The following GOLGA8B variants were observed in gnomAD, a reference collection of about 807,000 sequenced individuals.
GOLGA8B encodes golgin subfamily A member 8B.
Under a neutral mutation model 15.6 loss-of-function variants are expected in GOLGA8B, and 1 was observed. The ratio of observed to expected loss-of-function variants is 0.06; its 90% CI spans 0.02 to 0.30. The LOEUF (loss-of-function observed/expected upper bound fraction) is 0.30, where lower values mean the gene tolerates loss of function less well. Ranked by LOEUF, GOLGA8B falls within the 10% of genes least tolerant of loss-of-function variation. The probability of loss-of-function intolerance (pLI) is 1.00; values close to 1 mark genes in which losing one functional copy is unlikely to be tolerated. For synonymous variants in GOLGA8B, 9 were observed against 80.3 expected (o/e 0.11, Z 4.75); for missense variants, 17 against 201.3 (o/e 0.08, Z 5.54).
intron 1 of GOLGA8B, among the ~76,000 whole-genome samples, chr15:34,569,652 T>C (rs937278075): frequency 9.9e-5 from 15 of 151,842 alleles, no homozygotes; most frequent in African/African-American, 3.6e-4. Flanking sequence ...TGTTAGCTGG[T>C]ATTGATAGCT....
chr15:34,551,007 CAT>C (rs1316720553), intron 4 of GOLGA8B, 129 bp downstream of exon 4: 1 of 86,756 alleles, frequency 1.2e-5, no homozygotes, highest in Non-Finnish European at 2.2e-5. Context: ...AACCAATAAA[CAT>C]GTGACTGAAT....
chr15:34,579,057 G>A, intron 1 of GOLGA8B, among the ~76,000 whole-genome samples: 1 of 151,950 alleles, frequency 6.6e-6, no homozygotes, highest in East Asian at 1.9e-4. Flanking sequence ...CATCTCGTCT[G>A]TGCCTCAAAA....
chr15:34,583,003 T>C (rs1231151481), intron 1 of GOLGA8B: 1 of 152,046 alleles, frequency 6.6e-6, no homozygotes, highest in Non-Finnish European at 1.5e-5. Context: ...CTGGGCCTTA[T>C]TATACAGGAA....
intron 1 of GOLGA8B, among the ~76,000 whole-genome samples, chr15:34,573,111 T>C (rs1472603547): frequency 1.3e-5 from 2 of 152,170 alleles, no homozygotes; most frequent in African/African-American, 4.8e-5. Flanking sequence ...AAACTACAGA[T>C]GGCAGATCTA....
chr15:34,581,220 C>A (rs1240682606), intron 1 of GOLGA8B, among the ~76,000 whole-genome samples: 2 of 152,182 alleles, frequency 1.3e-5, no homozygotes, highest in African/African-American at 2.4e-5. Flanking sequence ...CAGAGGACAG[C>A]GAGGAGTGCC....
At chr15:34,548,333 AT>A (rs1247228707) in intron 4 of GOLGA8B, among the ~76,000 whole-genome samples, 4 of 150,512 alleles carry the variant, frequency 2.7e-5, no homozygotes, top group African/African-American at 4.9e-5. Flanking sequence ...ACAAAAAGAT[AT>A]TTTTTTTTCA....
intron 1 of GOLGA8B, among the ~76,000 whole-genome samples, chr15:34,573,409 C>T (rs1160926965): frequency 2.0e-5 from 3 of 151,256 alleles, no homozygotes; most frequent in East Asian, 2.0e-4. Context: ...GGGTGGCGGG[C>T]GCCTGTAGTC....
intron 1 of GOLGA8B, among the ~76,000 whole-genome samples, chr15:34,578,915 C>T (rs565657823): frequency 3.9e-5 from 6 of 152,266 alleles, no homozygotes; most frequent in East Asian, 3.9e-4. Context: ...TTATGACAGG[C>T]CTCCTCTGCA....
At chr15:34,564,854 G>C (rs1389138665) in intron 1 of GOLGA8B, among the ~76,000 whole-genome samples, 1 of 144,106 alleles carries the variant, frequency 6.9e-6, no homozygotes, top group Non-Finnish European at 1.6e-5. Flanking sequence ...CATGGAGTCT[G>C]GACTCCACCC....
chr15:34,579,489 T>C (rs4923707), intron 1 of GOLGA8B, among the ~76,000 whole-genome samples: 2,549 of 152,168 alleles, frequency 0.017, 28 homozygotes, highest in Non-Finnish European at 0.025. Flanking sequence ...AGGGACCACC[T>C]GGGTGCAGAG....
chr15:34,560,124 A>T (rs1888588763), intron 1 of GOLGA8B, among the ~76,000 whole-genome samples: 1 of 150,374 alleles, frequency 6.7e-6, no homozygotes, highest in African/African-American at 2.5e-5. Context: ...AGGAACACAG[A>T]TCCTACAGGC....
At chr15:34,567,743 T>C (rs1368558150) in intron 1 of GOLGA8B, among the ~76,000 whole-genome samples, 3 of 151,722 alleles carry the variant, frequency 2.0e-5, no homozygotes, top group Non-Finnish European at 4.4e-5. Context: ...ACACCAAGAA[T>C]CCTAAAAGTT....
chr15:34,582,161 G>C (rs544424396), intron 1 of GOLGA8B, among the ~76,000 whole-genome samples: 17 of 152,242 alleles, frequency 1.1e-4, no homozygotes, highest in African/African-American at 3.9e-4. Context: ...CCCCGGACTG[G>C]GAAACCCAGT....
At chr15:34,576,653 A>G (rs1482529261) in intron 1 of GOLGA8B, among the ~76,000 whole-genome samples, 9 of 152,240 alleles carry the variant, frequency 5.9e-5, no homozygotes, top group Non-Finnish European at 1.0e-4. Context: ...ATTTCACCCA[A>G]TGCCATTCCC....
Position 34,567,972 on chromosome 15 carries a change from C to G in GOLGA8B, c.-1122-14016G>C, listed in dbSNP as rs561300928. Reference sequence around the variant, plus strand: ...TCCCAAACTGGAAGGAAGGATACGACTGAAACTCAACTCATGCCCAGCTAA... The same window carrying G: ...TCCCAAACTGGAAGGAAGGATACGAGTGAAACTCAACTCATGCCCAGCTAA... On this transcript the variant is annotated intron_variant, in intron 1 of 23. Coordinates refer to ENST00000683415, the MANE Select transcript of GOLGA8B (RefSeq NM_001023567.5). 1.7e-4 allele frequency among the ~76,000 whole-genome samples: 26 copies of G among 151,474 alleles called. 1 individual carries two copies. The highest frequency in any genetic ancestry group is 6.3e-4 in the African/African-American group (26 of 40,994).
intron 1 of GOLGA8B, chr15:34,582,935 G>C (rs1889283941): frequency 2.0e-5 from 3 of 152,228 alleles, no homozygotes; most frequent in Admixed American, 6.5e-5. Flanking sequence ...CCTCCAACCC[G>C]GCGCCTGCAG....
chr15:34,574,334 C>T (rs1407682128), intron 1 of GOLGA8B, among the ~76,000 whole-genome samples: 2 of 149,418 alleles, frequency 1.3e-5, no homozygotes, highest in African/African-American at 2.5e-5. Context: ...GAGAGAAGTT[C>T]TCGCTCTGTC....
intron 1 of GOLGA8B, among the ~76,000 whole-genome samples, chr15:34,579,376 T>C (rs1889168401): frequency 6.6e-6 from 1 of 152,016 alleles, no homozygotes; most frequent in South Asian, 2.1e-4. Context: ...TTTGGAAAGA[T>C]CCAGATGGAG....
intron 1 of GOLGA8B, chr15:34,566,313 G>A (rs1254964866): frequency 7.0e-6 from 1 of 142,416 alleles, no homozygotes; most frequent in Non-Finnish European, 1.6e-5. Flanking sequence ...CATACACGTA[G>A]AAGTATTTCA....
Sources: gnomAD v4.1 joint callset for allele counts (sites outside exome capture counted in the v4.1 genomes callset) on GRCh38, gnomAD v4.1.1 for gene constraint, MANE v1.5 for transcripts, NCBI Gene and HGNC (gene_info 2026-07-23, HGNC 2026-07-21) for gene names.